Variants in DNER observed in about 807,000 individuals in gnomAD.
DNER encodes the protein delta/notch like EGF repeat containing, also known as delta and Notch-like epidermal growth factor-related receptor.
In DNER, 33 loss-of-function variants were observed where a neutral mutation model predicts 78.2. The observed-to-expected ratio is 0.42, with a 90% confidence interval of 0.32 to 0.56. The LOEUF is 0.56. Ranked by LOEUF, DNER falls within the 20% of genes least tolerant of loss-of-function variation. DNER has a pLI of 0.11. For synonymous variants in DNER, 417 were observed against 384.8 expected, an observed-to-expected ratio of 1.08 and a Z score of -0.98; for missense variants, 918 against 975.3, an observed-to-expected ratio of 0.94 and a Z score of 0.78.
chr2:229,559,248 T>C (rs1049510461), intron 4 of DNER, among the ~76,000 whole-genome samples: 1 of 151,968 alleles, frequency 6.6e-6, no homozygotes, highest in Non-Finnish European at 1.5e-5. Flanking sequence ...AAGATTTCAG[T>C]TTCGGACTCA....
chr2:229,669,663 C>A (rs549384172), intron 1 of DNER, among the ~76,000 whole-genome samples: 113 of 152,106 alleles, frequency 7.4e-4, no homozygotes, highest in Admixed American at 1.4e-3. Flanking sequence ...GTATTTTATT[C>A]TTTTTGTAGC....
intron 1 of DNER, among the ~76,000 whole-genome samples, chr2:229,633,474 A>C (rs2154215811): frequency 6.6e-6 from 1 of 152,348 alleles, no homozygotes; most frequent in Non-Finnish European, 1.5e-5. Context: ...TTTAAAAATA[A>C]AAAATACATT....
chr2:229,625,385 A>G (rs1444891947), intron 1 of DNER, among the ~76,000 whole-genome samples: 1 of 152,034 alleles, frequency 6.6e-6, no homozygotes, highest in East Asian at 1.9e-4. Context: ...ACCTTCTCAC[A>G]TCCTTACCAA....
At chr2:229,489,837 C>T (rs1695360017) in intron 6 of DNER, among the ~76,000 whole-genome samples, 1 of 152,070 alleles carries the variant, frequency 6.6e-6, no homozygotes, top group South Asian at 2.1e-4. Flanking sequence ...GAGGAAGGAG[C>T]CCTCGAAATC....
chr2:229,519,058 C>T (rs1187825703), intron 5 of DNER, among the ~76,000 whole-genome samples: 1 of 151,738 alleles, frequency 6.6e-6, no homozygotes, highest in African/African-American at 2.4e-5. Flanking sequence ...GACTATTTCT[C>T]CTTTCTAACT....
intron 6 of DNER, among the ~76,000 whole-genome samples, chr2:229,495,367 T>C (rs1695479789): frequency 1.3e-5 from 2 of 152,160 alleles, no homozygotes; most frequent in South Asian, 4.1e-4. Context: ...AGTCCCCATA[T>C]CTATGGTCAG....
chr2:229,495,006 C>A (rs1695470506), intron 6 of DNER, among the ~76,000 whole-genome samples: 1 of 152,154 alleles, frequency 6.6e-6, no homozygotes, highest in African/African-American at 2.4e-5. Context: ...TCAGCCACAA[C>A]CTTAAGTATT....
chr2:229,358,506 A>G lies in DNER; in HGVS notation c.*34T>C. 1 of 1,519,848 alleles carries G rather than the reference A, an allele frequency of 6.6e-7. No homozygotes were observed. The highest frequency in any genetic ancestry group is 9.0e-7 in the Non-Finnish European group (1 of 1,106,746). 94.1% of individuals were successfully genotyped at this position (1,519,848 alleles called of 1,614,324 possible). A position where few individuals can be genotyped will look rare whatever the true frequency, so the allele number is the denominator to read the frequency against. On this transcript the variant is annotated 3_prime_UTR_variant, in exon 13 of 13. Transcript: ENST00000341772. The stretch of plus-strand genomic sequence containing the variant: ...TTAAAAATATTTAAATGAGTGTAGT[A>G]TCTCATCTTTTTGAAAAATAATCCA...
chr2:229,487,180 C>T (rs978509984), intron 6 of DNER, among the ~76,000 whole-genome samples: 1 of 152,150 alleles, frequency 6.6e-6, no homozygotes, highest in Non-Finnish European at 1.5e-5. Flanking sequence ...AGGTCTTGGG[C>T]TCAATTATTG....
In DNER at chr2:229,547,058, C is replaced by T. The variant is rs778929936; in HGVS notation, c.882G>A (p.Val294=). ...TCACCACCAGAGTTAAGCGCAAAGC[C>T]ACAATAGACTTAGTCACAGAATCAT... is the stretch of plus-strand genomic sequence containing the variant. ...FVNDSVTKSI[V]ALRLTLVVKV... The change falls in exon 5 of 13, where the codon GTG becomes GTA. Residue 294 remains valine, a synonymous_variant. Transcript: ENST00000341772. The T allele has an allele frequency of 1.9e-6, 3 of 1,614,128 alleles. No individual in the cohort carries two copies. The South Asian group carries it at 3.3e-5, about 18-fold the overall frequency.
intron 7 of DNER, among the ~76,000 whole-genome samples, chr2:229,454,022 C>T (rs1475097346): frequency 6.6e-6 from 1 of 151,300 alleles, no homozygotes; most frequent in Non-Finnish European, 1.5e-5. Context: ...CTGAACCTTG[C>T]TTGTAAATCA....
At chr2:229,541,778 C>G in intron 5 of DNER, among the ~76,000 whole-genome samples, 1 of 151,336 alleles carries the variant, frequency 6.6e-6, no homozygotes, top group East Asian at 1.9e-4. Context: ...TAGGCCTCCC[C>G]CATTAGATAT....
intron 1 of DNER, among the ~76,000 whole-genome samples, chr2:229,629,872 G>A (rs1234602536): frequency 6.6e-6 from 1 of 152,162 alleles, no homozygotes; most frequent in African/African-American, 2.4e-5. Context: ...TTGATCATAT[G>A]CAGTAACTTG....
intron 4 of DNER, among the ~76,000 whole-genome samples, chr2:229,585,312 AAC>A (rs1252814947): frequency 2.6e-5 from 4 of 152,222 alleles, no homozygotes. Context: ...CCAGGGCTGG[AAC>A]ACAGTCGCTG....
intron 1 of DNER, among the ~76,000 whole-genome samples, chr2:229,609,762 G>T (rs780987030): frequency 4.6e-5 from 7 of 152,142 alleles, no homozygotes; most frequent in Non-Finnish European, 1.0e-4. Flanking sequence ...TGCAGGAAAA[G>T]GCAAGGACGA....
intron 4 of DNER, among the ~76,000 whole-genome samples, chr2:229,569,237 C>T (rs1033772324): frequency 6.6e-6 from 1 of 152,194 alleles, no homozygotes; most frequent in Admixed American, 6.5e-5. Context: ...TAGTCCCTTA[C>T]ATAGGCTGAG....
chr2:229,570,370 C>T (rs868467912), intron 4 of DNER, among the ~76,000 whole-genome samples: 50 of 152,144 alleles, frequency 3.3e-4, no homozygotes, highest in African/African-American at 1.0e-3. Flanking sequence ...TGGTGGCTTA[C>T]GCCTGTAATC....
At chr2:229,666,141 A>G (rs1341410446) in intron 1 of DNER, among the ~76,000 whole-genome samples, 1 of 152,176 alleles carries the variant, frequency 6.6e-6, no homozygotes, top group African/African-American at 2.4e-5. Flanking sequence ...TCCGCTACAC[A>G]AGTCCTGCCT....
At chr2:229,411,513 C>T (rs186521497) in intron 9 of DNER, among the ~76,000 whole-genome samples, 306 of 151,924 alleles carry the variant, frequency 2.0e-3, no homozygotes, top group Admixed American at 9.4e-3. Context: ...GCCAAGATAG[C>T]GCCATTGCAC....
Sources: gnomAD v4.1 joint callset for allele counts (sites outside exome capture counted in the v4.1 genomes callset) on GRCh38, gnomAD v4.1.1 for gene constraint, MANE v1.5 for transcripts, NCBI Gene and HGNC (gene_info 2026-07-23, HGNC 2026-07-21) for gene names.